SNX4: variants seen among roughly 807,000 people sequenced by gnomAD.
SNX4 encodes sorting nexin 4.
A neutral mutation model predicts 70.8 loss-of-function variants in SNX4; 49 were observed. The ratio of observed to expected loss-of-function variants is 0.69; its 90% confidence interval spans 0.55 to 0.88. SNX4 has a LOEUF of 0.88. Among genes scored for constraint, SNX4 ranks in the 40% least tolerant of loss-of-function variants. The pLI, the probability that SNX4 is intolerant of heterozygous loss-of-function variation, is 0.00. For synonymous variants in SNX4, 206 were observed against 183.8 expected (o/e 1.12, Z -0.98); for missense variants, 528 against 544.8 (o/e 0.97, Z 0.31).
intron 1 of SNX4, 101 bp downstream of exon 1, chr3:125,519,931 G>T: frequency 2.8e-6 from 3 of 1,079,638 alleles, no homozygotes; most frequent in Non-Finnish European, 3.7e-6. Context: ...CCTCGGCCGA[G>T]CCCACTGGCC....
At chr3:125,468,065 G>A (rs1425862804) in intron 9 of SNX4, among the ~76,000 whole-genome samples, 1 of 152,206 alleles carries the variant, frequency 6.6e-6, no homozygotes, top group African/African-American at 2.4e-5. Flanking sequence ...AGCCATGTAA[G>A]AGAATAGATG....
At position 125,465,149 on chromosome 3, in the gene SNX4, C is replaced by T. The variant is rs371511872; in HGVS notation, c.855-4289G>A. ...TACTCACGTTTGCCTGCCAAAGAGC[C>T]GGGATCACAGCATGAGCCACTGTAC... On this transcript the variant is annotated intron_variant, in intron 9 of 13. Transcript: ENST00000251775. 1.4e-4 allele frequency among the ~76,000 whole-genome samples: 22 copies of T among 152,192 alleles called. 1 individual carries two copies. The South Asian group carries it at 1.9e-3, about 13-fold the overall frequency.
intron 5 of SNX4, among the ~76,000 whole-genome samples, chr3:125,494,067 TA>T (rs1388878959): frequency 1.3e-5 from 2 of 151,090 alleles, no homozygotes; most frequent in African/African-American, 4.9e-5. Flanking sequence ...ATTAATCTAG[TA>T]CGCCAAAACT....
chr3:125,494,319 C>T (rs1934732214), intron 5 of SNX4, among the ~76,000 whole-genome samples: 1 of 152,000 alleles, frequency 6.6e-6, no homozygotes, highest in South Asian at 2.1e-4. Flanking sequence ...TTAAGGAGGG[C>T]TTTCAGTTAG....
Position 125,451,374 on chromosome 3 carries a change from T to C in SNX4, c.1236A>G (p.Glu412=). The change falls in exon 13 of 14, where the codon GAA becomes GAG. Residue 412 remains glutamate, a synonymous_variant. Transcript: ENST00000251775. ...CCTCCTTTAAGTCTCGGTTCTTTTG[T>C]TCTTTGAAGCGTTCAATATCAGCCC... ...NAWADIERFK[E]QKNRDLKEAL... is the part of the protein sequence containing the mutation. 2.5e-6 allele frequency: 4 copies of C among 1,614,020 alleles called. No homozygotes were observed. The highest frequency in any genetic ancestry group is 3.4e-6 in the Non-Finnish European group (4 of 1,179,926).
chr3:125,460,284 GA>G (rs1351668699), intron 10 of SNX4, among the ~76,000 whole-genome samples: 2 of 150,794 alleles, frequency 1.3e-5, no homozygotes, highest in African/African-American at 4.9e-5. Flanking sequence ...AAACTGATCA[GA>G]AAAAAATATA....
intron 2 of SNX4, among the ~76,000 whole-genome samples, chr3:125,502,308 C>G (rs528728007): frequency 6.6e-6 from 1 of 151,990 alleles, no homozygotes; most frequent in African/African-American, 2.4e-5. Context: ...CACATTACCT[C>G]TCTCATTTCC....
intron 10 of SNX4, among the ~76,000 whole-genome samples, chr3:125,458,444 T>C (rs970284889): frequency 6.6e-6 from 1 of 152,182 alleles, no homozygotes; most frequent in African/African-American, 2.4e-5. Flanking sequence ...GCTAGGATTA[T>C]ATGCATGAGC....
intron 11 of SNX4, among the ~76,000 whole-genome samples, chr3:125,455,061 T>A (rs1933675350): frequency 6.6e-6 from 1 of 152,106 alleles, no homozygotes; most frequent in South Asian, 2.1e-4. Context: ...CCCAAGTGGC[T>A]GGGACCACAG....
At position 125,495,275 on chromosome 3, in the gene SNX4, T is replaced by TATATATATATATATACACAC; in HGVS notation, c.597+2065_597+2066insGTGTGTATATATATATATAT. ...TTATATATATATATATATATATATA[T>TATATATATATATATACACAC]ATACACATACACACACACACACGTA... On this transcript the variant is annotated intron_variant, in intron 5 of 13. Coordinates refer to ENST00000251775, the MANE Select transcript of SNX4 (RefSeq NM_003794.4). Among the ~76,000 whole-genome samples the TATATATATATATATACACAC allele has an allele frequency of 2.4e-5, 2 of 83,046 alleles. 1 individual carries two copies. Among genetic ancestry groups the TATATATATATATATACACAC allele is most frequent in the African/African-American group, 7.3e-5 (2 of 27,546 alleles). The allele number at this position is 83,046 out of a possible 152,430, so 54.5% of individuals were successfully genotyped here. A position where few individuals can be genotyped will look rare whatever the true frequency, so the allele number is the denominator to read the frequency against.
chr3:125,467,977 C>T (rs1934075446), intron 9 of SNX4, among the ~76,000 whole-genome samples: 1 of 152,084 alleles, frequency 6.6e-6, no homozygotes, highest in East Asian at 1.9e-4. Flanking sequence ...ATAGCGAAGA[C>T]ATGGAATCAA....
intron 10 of SNX4, among the ~76,000 whole-genome samples, chr3:125,458,881 TAAAAAAAAGA>T (rs1933804278): frequency 9.2e-5 from 4 of 43,248 alleles, no homozygotes; most frequent in East Asian, 6.3e-4. Flanking sequence ...ATGCACAAAG[TAAAAAAAAGA>T]GGCTGGGCAT....
At chr3:125,489,080 C>G (rs1934596549) in intron 6 of SNX4, among the ~76,000 whole-genome samples, 1 of 152,090 alleles carries the variant, frequency 6.6e-6, no homozygotes, top group Admixed American at 6.5e-5. Context: ...ATTTTCTTAT[C>G]TTGAGCTGTG....
At chr3:125,512,687 G>A (rs1392878272) in intron 1 of SNX4, among the ~76,000 whole-genome samples, 2 of 151,986 alleles carry the variant, frequency 1.3e-5, no homozygotes, top group Non-Finnish European at 2.9e-5. Context: ...TAGAGAAGAG[G>A]TATCGCTATG....
rs764751949 is a variant in SNX4 at position 125,451,403 on chromosome 3, C to T, written c.1207G>A (p.Ala403Thr). 6.2e-6 allele frequency: 10 copies of T among 1,611,764 alleles called. No individual in the cohort carries two copies. Among genetic ancestry groups the T allele is most frequent in the African/African-American group, 1.3e-5 (1 of 74,798 alleles). The change falls in exon 13 of 14, where the codon GCA (alanine) becomes ACA (threonine). Residue 403 changes from alanine to threonine, a missense_variant. Around this residue, in one of 3 missense-constraint regions of SNX4, gnomAD observed 159 missense variants for 172.6 expected, o/e 0.92. Transcript: ENST00000251775. ...NLEGREFVKN[A>T]WADIERFKEQ... ...TTGAAGCGTTCAATATCAGCCCATG[C>T]GTTTTTCACAAATTCTCTGAAATAA...
intron 1 of SNX4, among the ~76,000 whole-genome samples, chr3:125,513,551 A>G (rs1935213741): frequency 6.6e-6 from 1 of 152,216 alleles, no homozygotes; most frequent in Non-Finnish European, 1.5e-5. Flanking sequence ...GATGATGAAA[A>G]TTATACATGC....
rs141630774 is a variant in SNX4, at chr3:125,486,910, T to C, written c.653+2498A>G. On this transcript the variant is annotated intron_variant, in intron 6 of 13. Coordinates refer to ENST00000251775, the MANE Select transcript of SNX4 (RefSeq NM_003794.4). ...AAAAATATATATATATGTGTGTGTA[T>C]ACATATATATGTATATGCAATCCAA... Among the ~76,000 whole-genome samples the C allele has an allele frequency of 8.7e-3, 1,322 of 152,228 alleles. 6 individuals carry two copies. Among genetic ancestry groups the C allele is most frequent in the Admixed American group, 0.015 (225 of 15,290 alleles).
chr3:125,498,320 A>G (rs986658136), intron 2 of SNX4, 126 bp from the exon 3 acceptor site: 4 of 951,274 alleles, frequency 4.2e-6, no homozygotes, highest in Admixed American at 3.0e-5. Flanking sequence ...AGAACTTTTC[A>G]TACATTTTTC....
intron 9 of SNX4, among the ~76,000 whole-genome samples, chr3:125,464,116 T>A (rs1000884991): frequency 7.2e-5 from 11 of 152,290 alleles, no homozygotes; most frequent in African/African-American, 2.4e-4. Context: ...TTTTTAAGTA[T>A]ACAACTCAGT....
Sources: gnomAD v4.1 joint callset for allele counts (sites outside exome capture counted in the v4.1 genomes callset) on GRCh38, gnomAD v4.1.1 for gene constraint, gnomAD v4.1.1 regional missense constraint, MANE v1.5 for transcripts, NCBI Gene and HGNC (gene_info 2026-07-23, HGNC 2026-07-21) for gene names.